ARRB1: variants seen among roughly 807,000 people sequenced by gnomAD.
The protein encoded by ARRB1 is arrestin beta 1, also known as beta-arrestin-1.
ARRB1 carries 21 observed loss-of-function variants against 56.8 expected under a neutral mutation model. That is an observed-to-expected ratio of 0.37 (90% CI 0.26 to 0.53). The LOEUF is 0.53. Ranked by LOEUF, ARRB1 falls within the 20% of genes least tolerant of loss-of-function variation. The pLI is 0.88. For synonymous variants in ARRB1, 210 were observed against 218.6 expected (o/e 0.96, Z 0.35); for missense variants, 424 against 553.7 (o/e 0.77, Z 2.35).
chr11:75,263,581 TA>T lies in ARRB1; in HGVS notation c.*2581del, dbSNP rs771469187. Among the ~76,000 whole-genome samples, 4 of 152,116 alleles carry T rather than the reference TA, an allele frequency of 2.6e-5. No homozygotes were observed. The highest frequency in any genetic ancestry group is 4.4e-5 in the Non-Finnish European group (3 of 68,018). ...GCAACTGCCCTCTATTACTTATCCC[TA>T]CAACGTTTCCCTGACCATGGGCTTC... On this transcript the variant is annotated 3_prime_UTR_variant, in exon 16 of 16. Coordinates refer to ENST00000420843, the MANE Select transcript of ARRB1 (RefSeq NM_004041.5).
chr11:75,317,332 G>C (rs11602383), intron 1 of ARRB1, among the ~76,000 whole-genome samples: 12,228 of 152,030 alleles, frequency 0.08, 609 homozygotes, highest in Non-Finnish European at 0.11. Flanking sequence ...CCCTCCAGGT[G>C]CTCTCCCCTC....
intron 5 of ARRB1, among the ~76,000 whole-genome samples, chr11:75,282,314 C>T (rs763326296): frequency 6.6e-6 from 1 of 152,194 alleles, no homozygotes; most frequent in Non-Finnish European, 1.5e-5. Flanking sequence ...TGTCCACACC[C>T]TAATCGCCCA....
intron 15 of ARRB1, 89 bp from the exon 16 acceptor site, chr11:75,266,363 T>A (rs1945912852): frequency 2.7e-6 from 3 of 1,108,886 alleles, no homozygotes; most frequent in Non-Finnish European, 4.1e-6. Context: ...TGACTCAGAG[T>A]ATGGCTCTGG....
chr11:75,281,653 T>C, intron 6 of ARRB1: 1 of 394,374 alleles, frequency 2.5e-6, no homozygotes, highest in Non-Finnish European at 4.6e-6. Flanking sequence ...CGCACTTTGA[T>C]TCCAGGTTGC....
At chr11:75,276,537 C>T (rs977705789) in intron 10 of ARRB1, among the ~76,000 whole-genome samples, 1 of 152,198 alleles carries the variant, frequency 6.6e-6, no homozygotes, top group Non-Finnish European at 1.5e-5. Context: ...ACCTAGGTTT[C>T]TTGTACAACG....
rs972978083 is a variant in ARRB1, at chr11:75,260,542, C to G, written c.*5621G>C. The G allele has an allele frequency of 1.5e-4, 23 of 152,276 alleles. No individual in the cohort carries two copies. Among genetic ancestry groups the G allele is most frequent in the African/African-American group, 5.5e-4 (23 of 41,448 alleles). 9.4% of individuals were successfully genotyped at this position (152,276 alleles called of 1,614,324 possible). ...GGCACCCACCTCTCATACTCACCAC[C>G]TCATATGACCACCTATCATACCCAC... On this transcript the variant is annotated 3_prime_UTR_variant, in exon 16 of 16. Coordinates refer to ENST00000420843, the MANE Select transcript of ARRB1 (RefSeq NM_004041.5).
intron 1 of ARRB1, among the ~76,000 whole-genome samples, chr11:75,320,739 A>G (rs1047194594): frequency 6.6e-6 from 1 of 152,208 alleles, no homozygotes; most frequent in East Asian, 1.9e-4. Context: ...AACATTGTAG[A>G]GTAAAATTCA....
chr11:75,305,413 G>A (rs1157495190), intron 1 of ARRB1, among the ~76,000 whole-genome samples: 1 of 152,044 alleles, frequency 6.6e-6, no homozygotes, highest in Admixed American at 6.6e-5. Flanking sequence ...ACCCTCAAGG[G>A]TATTTATGCC....
rs374505574 is a variant in ARRB1 at position 75,350,655 on chromosome 11, G to A, written c.20+933C>T. Among the ~76,000 whole-genome samples the A allele has an allele frequency of 4.6e-5, 7 of 152,216 alleles. No homozygotes were observed. The South Asian group carries it at 6.2e-4, about 14-fold the overall frequency. ...ATTTCAGGACAGGTTCTAGGAGAAC[G>A]GGAGGGGTTCTCCCAGCCCTAGGTT... On this transcript the variant is annotated intron_variant, in intron 1 of 15. Transcript: ENST00000420843.
chr11:75,295,429 C>T (rs1457069033), intron 1 of ARRB1, among the ~76,000 whole-genome samples: 6 of 152,072 alleles, frequency 3.9e-5, no homozygotes, highest in Non-Finnish European at 2.9e-5. Flanking sequence ...ATGGCCCCTG[C>T]TTCTATCTTC....
At chr11:75,322,363 A>G (rs1947359602) in intron 1 of ARRB1, among the ~76,000 whole-genome samples, 1 of 152,196 alleles carries the variant, frequency 6.6e-6, no homozygotes, top group Admixed American at 6.5e-5. Context: ...AAAACTAGCC[A>G]GGCATGGTGG....
Position 75,263,523 on chromosome 11 carries a change from C to T in ARRB1, c.*2640G>A, listed in dbSNP as rs1240261492. 6.6e-6 allele frequency among the ~76,000 whole-genome samples: 1 copy of T among 152,186 alleles called. No individual in the cohort carries two copies. The highest frequency in any genetic ancestry group is 1.9e-4 in the East Asian group (1 of 5,192). On this transcript the variant is annotated 3_prime_UTR_variant, in exon 16 of 16. Transcript: ENST00000420843. ...CGTCTTCTAATTCACATCAAGGCAC[C>T]ATAGGGACCAGCAGCCACCAGGAGC...
intron 1 of ARRB1, among the ~76,000 whole-genome samples, chr11:75,320,254 C>A (rs1452097349): frequency 6.6e-6 from 1 of 152,158 alleles, no homozygotes. Context: ...ATGGCTGCTG[C>A]CTGCCCAAGG....
chr11:75,312,520 G>A (rs67906407), intron 1 of ARRB1, among the ~76,000 whole-genome samples: 10,102 of 152,274 alleles, frequency 0.066, 563 homozygotes, highest in South Asian at 0.27. Flanking sequence ...TGCAAGGTGT[G>A]TGTGGTAGGC....
chr11:75,298,120 A>T (rs541459564), intron 1 of ARRB1, among the ~76,000 whole-genome samples: 2 of 151,748 alleles, frequency 1.3e-5, no homozygotes, highest in East Asian at 3.9e-4. Context: ...GAGGGATAGC[A>T]TTAGGAGAAA....
At chr11:75,337,523 C>T (rs1947624715) in intron 1 of ARRB1, among the ~76,000 whole-genome samples, 1 of 152,214 alleles carries the variant, frequency 6.6e-6, no homozygotes, top group Non-Finnish European at 1.5e-5. Flanking sequence ...CTCCCTAACC[C>T]AAGTCTGGCC....
chr11:75,347,900 G>A (rs1181737365), intron 1 of ARRB1, among the ~76,000 whole-genome samples: 8 of 152,226 alleles, frequency 5.3e-5, no homozygotes, highest in Admixed American at 3.3e-4. Flanking sequence ...TATCCTCTCT[G>A]CAGCCTAAGT....
At chr11:75,328,120 G>C (rs183317119) in intron 1 of ARRB1, among the ~76,000 whole-genome samples, 26 of 152,124 alleles carry the variant, frequency 1.7e-4, no homozygotes, top group Middle Eastern at 3.4e-3. Flanking sequence ...TCCAACCCCT[G>C]GCAACTACCA....
chr11:75,335,166 C>T, intron 1 of ARRB1: 1 of 248,988 alleles, frequency 4.0e-6, no homozygotes, highest in Non-Finnish European at 9.3e-6. Flanking sequence ...GGCCCTGCCT[C>T]CAGCCCAACA....
Sources: allele counts gnomAD v4.1 joint callset (sites outside exome capture counted in the v4.1 genomes callset), GRCh38; gene constraint gnomAD v4.1.1; transcripts MANE v1.5; gene names NCBI Gene and HGNC (gene_info 2026-07-23, HGNC 2026-07-21).